Variants in NRXN3 observed in about 807,000 individuals in gnomAD.
NRXN3 encodes neurexin 3, also known as neurexin III.
A neutral mutation model predicts 137.6 loss-of-function variants in NRXN3; 32 were observed. That is an observed-to-expected ratio of 0.23 (90% CI 0.18 to 0.31). The LOEUF is 0.31. Among genes scored for constraint, NRXN3 ranks in the 10% least tolerant of loss-of-function variants. The pLI, the probability that NRXN3 is intolerant of heterozygous loss-of-function variation, is 1.00. For missense variants in NRXN3, 1,574 were observed against 2,062.5 expected (o/e 0.76, Z 4.59); for synonymous variants, 798 against 784.5 (o/e 1.02, Z -0.29).
intron 16 of NRXN3, among the ~76,000 whole-genome samples, chr14:79,485,774 CAAAATGGTAGA>C (rs2096650273): frequency 6.6e-6 from 1 of 152,054 alleles, no homozygotes; most frequent in Non-Finnish European, 1.5e-5. Flanking sequence ...GAAAAATAGA[CAAAATGGTAGA>C]AAAAGCTAAC....
intron 4 of NRXN3, among the ~76,000 whole-genome samples, chr14:78,457,964 C>G (rs907653871): frequency 6.6e-6 from 1 of 152,110 alleles, no homozygotes; most frequent in African/African-American, 2.4e-5. Context: ...AGACACCCCC[C>G]GCTCCAGTTT....
intron 15 of NRXN3, among the ~76,000 whole-genome samples, chr14:79,178,284 A>C (rs183939222): frequency 1.3e-5 from 2 of 152,208 alleles, no homozygotes; most frequent in Non-Finnish European, 2.9e-5. Context: ...TGTAATGACC[A>C]TCTGTGGTTA....
intron 4 of NRXN3, among the ~76,000 whole-genome samples, chr14:78,312,134 A>C (rs113029559): frequency 1.2e-3 from 189 of 152,290 alleles, no homozygotes; most frequent in African/African-American, 4.3e-3. Flanking sequence ...TGCTGAGATC[A>C]TTGTTGATAA....
intron 8 of NRXN3, among the ~76,000 whole-genome samples, chr14:78,772,469 A>G (rs1255044670): frequency 6.6e-6 from 1 of 152,236 alleles, no homozygotes; most frequent in African/African-American, 2.4e-5. Context: ...CAATAAATAA[A>G]TCATTCATGA....
At chr14:78,229,063 G>T (rs1177965530) in intron 1 of NRXN3, among the ~76,000 whole-genome samples, 3 of 152,186 alleles carry the variant, frequency 2.0e-5, no homozygotes, top group Non-Finnish European at 2.9e-5. Context: ...TTTTTGAGGG[G>T]AAAGTAGGAG....
chr14:79,563,147 A>G (rs1281101899), intron 16 of NRXN3, among the ~76,000 whole-genome samples: 3 of 152,300 alleles, frequency 2.0e-5, no homozygotes, highest in Non-Finnish European at 4.4e-5. Context: ...AATTCTTTGA[A>G]AGTAGATGAA....
intron 15 of NRXN3, among the ~76,000 whole-genome samples, chr14:79,373,263 T>G (rs2094163041): frequency 6.6e-6 from 1 of 152,080 alleles, no homozygotes; most frequent in African/African-American, 2.4e-5. Context: ...ATTATTGCCC[T>G]CATTACACAA....
chr14:79,490,308 G>A (rs1328500105), intron 16 of NRXN3, among the ~76,000 whole-genome samples: 2 of 152,246 alleles, frequency 1.3e-5, no homozygotes, highest in Non-Finnish European at 1.5e-5. Flanking sequence ...CAATCCCACT[G>A]CTGGGTAAAT....
intron 15 of NRXN3, among the ~76,000 whole-genome samples, chr14:79,122,280 C>T (rs921103747): frequency 6.6e-6 from 1 of 152,156 alleles, no homozygotes; most frequent in Non-Finnish European, 1.5e-5. Context: ...AGTCCTCTGA[C>T]ATTTTGAGGA....
chr14:78,275,625 C>A (rs952553815), intron 2 of NRXN3, among the ~76,000 whole-genome samples: 3 of 152,116 alleles, frequency 2.0e-5, no homozygotes, highest in African/African-American at 7.2e-5. Flanking sequence ...CAGTAAAATT[C>A]TCTGGGAAGA....
At chr14:79,116,124 A>C (rs1021359894) in intron 15 of NRXN3, among the ~76,000 whole-genome samples, 3 of 152,164 alleles carry the variant, frequency 2.0e-5, no homozygotes, top group African/African-American at 7.2e-5. Flanking sequence ...TGCTGTGGGG[A>C]CATGGTTCTC....
intron 15 of NRXN3, among the ~76,000 whole-genome samples, chr14:79,147,842 A>T (rs2153020523): frequency 6.6e-6 from 1 of 152,216 alleles, no homozygotes; most frequent in East Asian, 1.9e-4. Context: ...AACTTCACCT[A>T]AATCATTTCC....
intron 15 of NRXN3, among the ~76,000 whole-genome samples, chr14:79,022,844 T>C (rs2099591887): frequency 6.6e-6 from 1 of 152,198 alleles, no homozygotes; most frequent in South Asian, 2.1e-4. Flanking sequence ...TTCATTAGCC[T>C]TAATCAGGGC....
chr14:79,402,452 G>A (rs1384239811), intron 15 of NRXN3, among the ~76,000 whole-genome samples: 1 of 152,122 alleles, frequency 6.6e-6, no homozygotes, highest in Non-Finnish European at 1.5e-5. Flanking sequence ...ACAAAAACTT[G>A]CATGTAATAT....
chr14:79,286,528 A>G (rs2082276279), intron 15 of NRXN3, among the ~76,000 whole-genome samples: 1 of 133,088 alleles, frequency 7.5e-6, no homozygotes, highest in South Asian at 2.8e-4. Flanking sequence ...GAGATGATTG[A>G]GAGAATAATA....
At chr14:79,460,694 T>G (rs2096323655) in intron 15 of NRXN3, among the ~76,000 whole-genome samples, 1 of 152,194 alleles carries the variant, frequency 6.6e-6, no homozygotes, top group Non-Finnish European at 1.5e-5. Context: ...TTAATTATTC[T>G]TCCTTCAACA....
intron 15 of NRXN3, among the ~76,000 whole-genome samples, chr14:79,063,779 T>C (rs921728560): frequency 4.6e-5 from 7 of 152,248 alleles, no homozygotes; most frequent in African/African-American, 1.2e-4. Flanking sequence ...TTGCTCAAGA[T>C]AGAGCGAAAA....
chr14:79,811,841 C>T lies in NRXN3; in HGVS notation c.4093+6651C>T, dbSNP rs552508799. ...TCGTGATCCACCCACCTCAGCCTCCCACAGTGCTGGGATTACAGCCGTGAG... is the reference window on the plus strand; with the variant it reads ...TCGTGATCCACCCACCTCAGCCTCCTACAGTGCTGGGATTACAGCCGTGAG... On this transcript the variant is annotated intron_variant, in intron 20 of 20. Coordinates refer to ENST00000335750, the MANE Select transcript of NRXN3 (RefSeq NM_001330195.2). Among the ~76,000 whole-genome samples, 6 of 151,990 alleles carry T rather than the reference C, an allele frequency of 3.9e-5. No homozygotes were observed. In the East Asian group the frequency reaches 1.2e-3, roughly 30 times the overall value.
Position 78,297,940 on chromosome 14 carries a change from G to A in NRXN3, c.757+80G>A, listed in dbSNP as rs965859137. On this transcript the variant is annotated intron_variant, in intron 4 of 20. Coordinates refer to ENST00000335750, the MANE Select transcript of NRXN3 (RefSeq NM_001330195.2). ...CTCTGGCTGGTCACAGAGCCTCATC[G>A]TCACTGGCAGGCCATTCGCTGCCTG... is the stretch of plus-strand genomic sequence containing the variant. 39 of 1,498,812 alleles carry A rather than the reference G, an allele frequency of 2.6e-5. No homozygotes were observed. The Middle Eastern group carries it at 6.8e-4, about 26-fold the overall frequency. The allele number at this position is 1,498,812 out of a possible 1,614,324, so 92.8% of individuals were successfully genotyped here.
Sources: allele counts gnomAD v4.1 joint callset (sites outside exome capture counted in the v4.1 genomes callset), GRCh38; gene constraint gnomAD v4.1.1; transcripts MANE v1.5; gene names NCBI Gene and HGNC (gene_info 2026-07-23, HGNC 2026-07-21).